GNA14: variants seen among roughly 807,000 people sequenced by gnomAD.
GNA14 encodes the protein guanine nucleotide-binding protein subunit alpha-14.
In GNA14, 50 loss-of-function variants were observed where a neutral mutation model predicts 42.0. The observed-to-expected ratio is 1.19, with a 90% CI of 0.95 to 1.51. GNA14 has a LOEUF of 1.51. Among genes scored for constraint, GNA14 ranks in the 40% most tolerant of loss-of-function variants. The pLI, the probability that GNA14 is intolerant of heterozygous loss-of-function variation, is 0.00. For synonymous variants in GNA14, 173 were observed against 163.1 expected, an observed-to-expected ratio of 1.06 and a Z score of -0.46; for missense variants, 473 against 446.2, an observed-to-expected ratio of 1.06 and a Z score of -0.54.
At chr9:77,581,153 G>A (rs749696871) in intron 1 of GNA14, among the ~76,000 whole-genome samples, 1 of 152,102 alleles carries the variant, frequency 6.6e-6, no homozygotes, top group Admixed American at 6.6e-5. Flanking sequence ...GTGTGTTTAC[G>A]GGCAGGGAGA....
chr9:77,623,216 CAAAAA>C (rs34368561), intron 1 of GNA14, among the ~76,000 whole-genome samples: 1 of 26,844 alleles, frequency 3.7e-5, no homozygotes, highest in African/African-American at 6.2e-5. Context: ...GACGCTGTCT[CAAAAA>C]AAAAAAAAAA....
chr9:77,456,813 A>G (rs1836007999), intron 2 of GNA14, among the ~76,000 whole-genome samples: 1 of 152,156 alleles, frequency 6.6e-6, no homozygotes. Context: ...TAGTAAAAAT[A>G]AATACAATAT....
intron 2 of GNA14, among the ~76,000 whole-genome samples, chr9:77,505,052 T>C (rs1384023607): frequency 2.6e-5 from 4 of 152,178 alleles, no homozygotes; most frequent in South Asian, 4.1e-4. Flanking sequence ...CCTGGGAGAA[T>C]GTAGAATTAG....
At chr9:77,460,872 A>C (rs1836092920) in intron 2 of GNA14, among the ~76,000 whole-genome samples, 2 of 152,256 alleles carry the variant, frequency 1.3e-5, no homozygotes, top group East Asian at 3.9e-4. Flanking sequence ...GTTTTTTTGT[A>C]AATTGGATTT....
intron 2 of GNA14, among the ~76,000 whole-genome samples, chr9:77,488,268 G>A (rs972921072): frequency 2.0e-5 from 3 of 152,172 alleles, no homozygotes; most frequent in Admixed American, 2.0e-4. Context: ...CCGGCACCAA[G>A]TGCATGGAAA....
chr9:77,647,922 G>T lies in GNA14; in HGVS notation c.-129C>A. The T allele has an allele frequency of 8.9e-7, 1 of 1,120,236 alleles. No homozygotes were observed. The allele number at this position is 1,120,236 out of a possible 1,614,324, so 69.4% of individuals were successfully genotyped here. A position where few individuals can be genotyped will look rare whatever the true frequency, so the allele number is the denominator to read the frequency against. On this transcript the variant is annotated 5_prime_UTR_variant, in exon 1 of 7. Transcript: ENST00000341700. ...AAAGAAAAGACGGGGGCCGACTTGAGCTTTGGAGTAAGACGCCTGGACCTC... is the reference window on the plus strand; with the variant it reads ...AAAGAAAAGACGGGGGCCGACTTGATCTTTGGAGTAAGACGCCTGGACCTC...
chr9:77,479,097 C>T (rs1836492796), intron 2 of GNA14, among the ~76,000 whole-genome samples: 2 of 152,082 alleles, frequency 1.3e-5, no homozygotes, highest in Admixed American at 1.3e-4. Flanking sequence ...AGTCCTTGCC[C>T]ATGCCTATGT....
chr9:77,636,873 T>C (rs930597615), intron 1 of GNA14, among the ~76,000 whole-genome samples: 1 of 152,150 alleles, frequency 6.6e-6, no homozygotes, highest in Non-Finnish European at 1.5e-5. Flanking sequence ...CAATGTTCCA[T>C]GGAGAGTGAA....
chr9:77,642,799 C>T (rs1824289113), intron 1 of GNA14, among the ~76,000 whole-genome samples: 1 of 152,024 alleles, frequency 6.6e-6, no homozygotes, highest in African/African-American at 2.4e-5. Flanking sequence ...TAAAATCAAA[C>T]ACAAAACTCA....
chr9:77,488,283 C>T (rs1836695049), intron 2 of GNA14, among the ~76,000 whole-genome samples: 1 of 152,158 alleles, frequency 6.6e-6, no homozygotes, highest in Non-Finnish European at 1.5e-5. Context: ...TGGAAAATTT[C>T]TGCCTGACTC....
intron 2 of GNA14, among the ~76,000 whole-genome samples, chr9:77,448,259 C>T (rs1419630604): frequency 2.6e-5 from 4 of 152,202 alleles, no homozygotes; most frequent in Non-Finnish European, 4.4e-5. Flanking sequence ...TACAAACAGT[C>T]CCCAACTCAT....
intron 2 of GNA14, among the ~76,000 whole-genome samples, chr9:77,512,985 T>C (rs1400027653): frequency 1.3e-5 from 2 of 152,242 alleles, no homozygotes; most frequent in African/African-American, 2.4e-5. Flanking sequence ...AACAGAAGGT[T>C]CTTCAATCCT....
At chr9:77,499,115 GT>G (rs1836922878) in intron 2 of GNA14, among the ~76,000 whole-genome samples, 1 of 152,168 alleles carries the variant, frequency 6.6e-6, no homozygotes, top group Admixed American at 6.5e-5. Flanking sequence ...ACGTAAGATG[GT>G]ATTAAGGAAA....
intron 1 of GNA14, among the ~76,000 whole-genome samples, chr9:77,539,079 C>T (rs189156652): frequency 2.6e-5 from 4 of 152,290 alleles, no homozygotes; most frequent in Non-Finnish European, 5.9e-5. Context: ...GCATCCTTGT[C>T]TTGTTCCATA....
intron 1 of GNA14, among the ~76,000 whole-genome samples, chr9:77,635,784 G>A (rs926952635): frequency 1.7e-4 from 26 of 152,096 alleles, no homozygotes; most frequent in Non-Finnish European, 3.7e-4. Flanking sequence ...GACTAACTCT[G>A]GGCCCTTCTG....
chr9:77,428,375 A>G (rs1432585217), intron 5 of GNA14, among the ~76,000 whole-genome samples: 1 of 151,850 alleles, frequency 6.6e-6, no homozygotes, highest in Admixed American at 6.6e-5. Context: ...CACCGTGCCC[A>G]GCCAAGAGAT....
At chr9:77,472,434 G>C (rs1011400615) in intron 2 of GNA14, among the ~76,000 whole-genome samples, 2 of 151,998 alleles carry the variant, frequency 1.3e-5, no homozygotes, top group African/African-American at 4.8e-5. Flanking sequence ...GGACAATTAG[G>C]CAATAAAAAG....
intron 1 of GNA14, among the ~76,000 whole-genome samples, chr9:77,550,426 T>C (rs968455789): frequency 6.6e-6 from 1 of 152,222 alleles, no homozygotes; most frequent in Non-Finnish European, 1.5e-5. Flanking sequence ...TGGTACATAT[T>C]ATTAGCTAAA....
intron 2 of GNA14, among the ~76,000 whole-genome samples, chr9:77,482,806 C>A (rs1035720561): frequency 6.6e-6 from 1 of 152,154 alleles, no homozygotes; most frequent in Non-Finnish European, 1.5e-5. Flanking sequence ...TCATTCATTT[C>A]GTCTTCCATC....
Sources: allele counts gnomAD v4.1 joint callset (sites outside exome capture counted in the v4.1 genomes callset), GRCh38; gene constraint gnomAD v4.1.1; transcripts MANE v1.5; gene names NCBI Gene and HGNC (gene_info 2026-07-23, HGNC 2026-07-21).